The following ADAMTS5 variants were observed in gnomAD, a reference collection of about 807,000 sequenced individuals.
The protein encoded by ADAMTS5 is ADAM metallopeptidase with thrombospondin type 1 motif 5, also known as A disintegrin and metalloproteinase with thrombospondin motifs 5.
In ADAMTS5, 54 loss-of-function variants were observed where a neutral mutation model predicts 81.4. The observed-to-expected ratio is 0.66, with a 90% CI of 0.53 to 0.83. ADAMTS5 has a LOEUF of 0.83. ADAMTS5 is among the 40% of genes least tolerant of loss of function. The probability of loss-of-function intolerance (pLI) is 0.00; values close to 1 mark genes in which losing one functional copy is unlikely to be tolerated. For missense variants in ADAMTS5, 1,194 were observed against 1,229.9 expected (o/e 0.97, Z 0.44); for synonymous variants, 532 against 508.8 (o/e 1.05, Z -0.61).
intron 7 of ADAMTS5, among the ~76,000 whole-genome samples, chr21:26,929,181 A>G (rs1986861020): frequency 6.6e-6 from 1 of 152,212 alleles, no homozygotes; most frequent in African/African-American, 2.4e-5. Flanking sequence ...ACGTACATCA[A>G]GAATACAGAT....
chr21:26,965,049 C>T (rs923731592), intron 1 of ADAMTS5, among the ~76,000 whole-genome samples: 15 of 152,204 alleles, frequency 9.9e-5, no homozygotes, highest in African/African-American at 3.6e-4. Flanking sequence ...AGATGACATG[C>T]AGCACTACTG....
chr21:26,964,772 C>T (rs1987603707), intron 1 of ADAMTS5, among the ~76,000 whole-genome samples: 1 of 152,190 alleles, frequency 6.6e-6, no homozygotes, highest in Non-Finnish European at 1.5e-5. Context: ...GTTTTCTCAT[C>T]CTCTGTGTAA....
intron 1 of ADAMTS5, among the ~76,000 whole-genome samples, chr21:26,960,595 T>C (rs1188301372): frequency 1.3e-5 from 2 of 152,146 alleles, no homozygotes; most frequent in African/African-American, 2.4e-5. Context: ...TGGCCATTTA[T>C]AGGACAGGAA....
At chr21:26,961,602 T>C (rs1047051009) in intron 1 of ADAMTS5, among the ~76,000 whole-genome samples, 2 of 152,224 alleles carry the variant, frequency 1.3e-5, no homozygotes, top group East Asian at 3.8e-4. Flanking sequence ...AGGAGGTGCA[T>C]GTAGGCAGAT....
chr21:26,925,421 G>A (rs1986788796), intron 7 of ADAMTS5, among the ~76,000 whole-genome samples: 2 of 152,242 alleles, frequency 1.3e-5, no homozygotes, highest in South Asian at 4.1e-4. Context: ...ACGATAGATT[G>A]AGAAAGGCTT....
In ADAMTS5 at chr21:26,918,274, G is replaced by A. The variant is rs1406810251; in HGVS notation, c.*5779C>T. The A allele has an allele frequency of 2.0e-5, 3 of 152,342 alleles. No individual in the cohort carries two copies. The highest frequency in any genetic ancestry group is 2.1e-4 in the South Asian group (1 of 4,820). The allele number at this position is 152,342 out of a possible 1,614,324, so 9.4% of individuals were successfully genotyped here. A position where few individuals can be genotyped will look rare whatever the true frequency, so the allele number is the denominator to read the frequency against. On this transcript the variant is annotated 3_prime_UTR_variant, in exon 8 of 8. Transcript: ENST00000284987. Reference sequence around the variant, plus strand: ...TGGAAAATTGAGGGTAATAAGCAGCGTACATTTTACATCTTATATACAGTA... The same window carrying A: ...TGGAAAATTGAGGGTAATAAGCAGCATACATTTTACATCTTATATACAGTA...
intron 3 of ADAMTS5, among the ~76,000 whole-genome samples, chr21:26,942,104 C>A (rs1350623374): frequency 6.6e-6 from 1 of 151,936 alleles, no homozygotes; most frequent in Non-Finnish European, 1.5e-5. Flanking sequence ...ATGAGACAAG[C>A]AAATATATAG....
intron 2 of ADAMTS5, among the ~76,000 whole-genome samples, chr21:26,947,364 G>A (rs1157193022): frequency 6.6e-6 from 1 of 152,154 alleles, no homozygotes; most frequent in Non-Finnish European, 1.5e-5. Flanking sequence ...TAATGCAACT[G>A]TCTAATCCAC....
At chr21:26,939,171 A>G (rs1476183425) in intron 3 of ADAMTS5, among the ~76,000 whole-genome samples, 2 of 152,190 alleles carry the variant, frequency 1.3e-5, no homozygotes, top group African/African-American at 4.8e-5. Context: ...AATGAACAAG[A>G]GCACTTCAAA....
intron 3 of ADAMTS5, among the ~76,000 whole-genome samples, chr21:26,941,622 C>T (rs1305763474): frequency 6.6e-6 from 1 of 152,004 alleles, no homozygotes; most frequent in Non-Finnish European, 1.5e-5. Context: ...AATTTGGTCT[C>T]ATTTTAGCCA....
chr21:26,945,060 A>G (rs922783894), intron 2 of ADAMTS5, among the ~76,000 whole-genome samples: 3 of 152,082 alleles, frequency 2.0e-5, no homozygotes, highest in Admixed American at 6.6e-5. Context: ...TATATAAAGT[A>G]TGTCCCAAAT....
intron 3 of ADAMTS5, among the ~76,000 whole-genome samples, chr21:26,936,788 AG>A (rs1460207079): frequency 6.6e-6 from 1 of 152,230 alleles, no homozygotes; most frequent in Non-Finnish European, 1.5e-5. Flanking sequence ...TGATAGTAAA[AG>A]CTCACTAAGC....
At chr21:26,965,186 A>T in intron 1 of ADAMTS5, 102 bp downstream of exon 1, 1 of 1,469,058 alleles carries the variant, frequency 6.8e-7, no homozygotes, top group Non-Finnish European at 9.2e-7. Flanking sequence ...ACACATCCAC[A>T]GCTGCAGGAG....
At chr21:26,926,739 A>G (rs1317022302) in intron 7 of ADAMTS5, among the ~76,000 whole-genome samples, 2 of 152,126 alleles carry the variant, frequency 1.3e-5, no homozygotes, top group African/African-American at 2.4e-5. Context: ...CCCCAGGCAT[A>G]AAATCCTGAC....
intron 1 of ADAMTS5, among the ~76,000 whole-genome samples, chr21:26,959,844 T>A (rs529869848): frequency 6.6e-6 from 1 of 152,176 alleles, no homozygotes; most frequent in Non-Finnish European, 1.5e-5. Flanking sequence ...GCCTGAATTA[T>A]AACCCGAGAC....
In ADAMTS5 at chr21:26,918,535, G is replaced by GT. The variant is rs1367351176; in HGVS notation, c.*5517dup. 1 of 151,958 alleles carries GT rather than the reference G, an allele frequency of 6.6e-6. No individual in the cohort carries two copies. The highest frequency in any genetic ancestry group is 2.4e-5 in the African/African-American group (1 of 41,400). 9.4% of individuals were successfully genotyped at this position (151,958 alleles called of 1,614,324 possible). A position where few individuals can be genotyped will look rare whatever the true frequency, so the allele number is the denominator to read the frequency against. ...TCTGACTAATAGGTCATACAAATAC[G>GT]TAAGTAGTGTTTTTCAACTCGTAAT... On this transcript the variant is annotated 3_prime_UTR_variant, in exon 8 of 8. Coordinates refer to ENST00000284987, the MANE Select transcript of ADAMTS5 (RefSeq NM_007038.5).
At chr21:26,957,969 G>C (rs76208938) in intron 1 of ADAMTS5, among the ~76,000 whole-genome samples, 1,805 of 152,272 alleles carry the variant, frequency 0.012, 45 homozygotes, top group African/African-American at 0.041. Context: ...GGCACTTCTT[G>C]GGGATGGGAT....
At chr21:26,931,937 G>C in intron 6 of ADAMTS5, 67 bp downstream of exon 6, 4 of 1,479,998 alleles carry the variant, frequency 2.7e-6, no homozygotes, top group Non-Finnish European at 3.6e-6. Flanking sequence ...GGCGTCCGCA[G>C]GCTTCATTCT....
intron 3 of ADAMTS5, among the ~76,000 whole-genome samples, chr21:26,938,670 C>A (rs575010028): frequency 8.6e-4 from 131 of 152,296 alleles, no homozygotes; most frequent in Admixed American, 2.3e-3. Context: ...GCTGGGATTA[C>A]AGGCATGCGC....
Sources: allele counts gnomAD v4.1 joint callset (sites outside exome capture counted in the v4.1 genomes callset), GRCh38; gene constraint gnomAD v4.1.1; transcripts MANE v1.5; gene names NCBI Gene and HGNC (gene_info 2026-07-23, HGNC 2026-07-21).